Variants in ATP1B3 observed in about 807,000 individuals in gnomAD.
The protein encoded by ATP1B3 is sodium/potassium-transporting ATPase subunit beta-3.
ATP1B3 carries 10 observed loss-of-function variants against 30.2 expected under a neutral mutation model. That is an observed-to-expected ratio of 0.33 (90% CI 0.20 to 0.56). The LOEUF (loss-of-function observed/expected upper bound fraction) is 0.56, where lower values mean the gene tolerates loss of function less well. ATP1B3 is among the 20% of genes least tolerant of loss of function. The probability of loss-of-function intolerance (pLI) is 0.90; values close to 1 mark genes in which losing one functional copy is unlikely to be tolerated. For synonymous variants in ATP1B3, 113 were observed against 117.0 expected, an observed-to-expected ratio of 0.97 and a Z score of 0.22; for missense variants, 238 against 336.7, an observed-to-expected ratio of 0.71 and a Z score of 2.29.
At chr3:141,916,474 T>TA (rs1447639686) in intron 5 of ATP1B3, 1 of 990,410 alleles carries the variant, frequency 1.0e-6, no homozygotes, top group African/African-American at 1.7e-5. Flanking sequence ...TATCCCTACT[T>TA]ACTTTTTTTT....
intron 3 of ATP1B3, among the ~76,000 whole-genome samples, chr3:141,912,569 A>G (rs1451382472): frequency 1.3e-5 from 2 of 152,052 alleles, no homozygotes; most frequent in Non-Finnish European, 2.9e-5. Context: ...CCTGGTTCTT[A>G]CTTTCATTGA....
At chr3:141,887,695 A>G (rs1933862298) in intron 1 of ATP1B3, among the ~76,000 whole-genome samples, 2 of 152,354 alleles carry the variant, frequency 1.3e-5, no homozygotes, top group South Asian at 2.1e-4. Context: ...ATAAACTTGC[A>G]TGTCTACACA....
intron 6 of ATP1B3, among the ~76,000 whole-genome samples, chr3:141,923,466 C>G (rs988794855): frequency 6.6e-6 from 1 of 152,216 alleles, no homozygotes; most frequent in Non-Finnish European, 1.5e-5. Context: ...TCACCAGATG[C>G]AGCTCCTTGA....
chr3:141,891,071 A>G (rs941769220), intron 1 of ATP1B3, among the ~76,000 whole-genome samples: 4 of 152,102 alleles, frequency 2.6e-5, no homozygotes, highest in African/African-American at 9.7e-5. Context: ...TCTTTTCTTA[A>G]TCACTTATCC....
At chr3:141,904,870 C>T (rs964518108) in intron 2 of ATP1B3, among the ~76,000 whole-genome samples, 1 of 151,796 alleles carries the variant, frequency 6.6e-6, no homozygotes, top group Non-Finnish European at 1.5e-5. Context: ...TCACCACGCC[C>T]AGCTAATTTT....
At chr3:141,903,455 T>C (rs78211256) in intron 1 of ATP1B3, among the ~76,000 whole-genome samples, 165 bp from the exon 2 acceptor site, 3,255 of 152,214 alleles carry the variant, frequency 0.021, 114 homozygotes, top group African/African-American at 0.07. Flanking sequence ...ACCCCTTGCT[T>C]GGGCAAATTT....
chr3:141,898,902 A>G (rs1045009723), intron 1 of ATP1B3, among the ~76,000 whole-genome samples: 1 of 152,276 alleles, frequency 6.6e-6, no homozygotes, highest in Non-Finnish European at 1.5e-5. Context: ...TTATTCAGCC[A>G]TAAAAAGGAA....
intron 1 of ATP1B3, among the ~76,000 whole-genome samples, chr3:141,878,041 A>G (rs1274684733): frequency 2.6e-5 from 4 of 152,266 alleles, no homozygotes; most frequent in Admixed American, 2.6e-4. Flanking sequence ...GCAGACTGAA[A>G]TGGACTCCTT....
chr3:141,914,613 C>T (rs1934425303), intron 4 of ATP1B3, among the ~76,000 whole-genome samples: 1 of 152,138 alleles, frequency 6.6e-6, no homozygotes, highest in South Asian at 2.1e-4. Flanking sequence ...TGCAAGGTCT[C>T]CCTTGAAGAG....
At chr3:141,889,750 A>AAT (rs1553743803) in intron 1 of ATP1B3, among the ~76,000 whole-genome samples, 14 of 79,116 alleles carry the variant, frequency 1.8e-4, no homozygotes, top group South Asian at 8.5e-4. Context: ...AAAAAAAAAA[A>AAT]ATATATACAC....
At chr3:141,892,672 A>AAC (rs1933978745) in intron 1 of ATP1B3, among the ~76,000 whole-genome samples, 3 of 143,062 alleles carry the variant, frequency 2.1e-5, no homozygotes, top group Non-Finnish European at 3.2e-5. Context: ...AAAAAAAAAA[A>AAC]AAAACAGTTA....
chr3:141,899,177 A>G (rs1934118232), intron 1 of ATP1B3, among the ~76,000 whole-genome samples: 2 of 152,364 alleles, frequency 1.3e-5, no homozygotes, highest in South Asian at 2.1e-4. Flanking sequence ...TGAATATAAA[A>G]TGTAAACTTC....
chr3:141,912,266 C>CTTATTTATTTAT (rs144027846), intron 3 of ATP1B3, among the ~76,000 whole-genome samples: 1 of 150,372 alleles, frequency 6.7e-6, no homozygotes, highest in African/African-American at 2.5e-5. Context: ...AAATTTGGTT[C>CTTATTTATTTAT]TTATTTATTT....
At chr3:141,881,805 C>T (rs1402958412) in intron 1 of ATP1B3, among the ~76,000 whole-genome samples, 1 of 152,156 alleles carries the variant, frequency 6.6e-6, no homozygotes, top group Non-Finnish European at 1.5e-5. Context: ...CAGGACTTGC[C>T]TTACCCTGTG....
At position 141,920,893 on chromosome 3, in the gene ATP1B3, A is replaced by G. The variant is rs1324809789; in HGVS notation, c.583-1084A>G. ...GCTTGTCTGGTGGGTGGGGCGCATC[A>G]TCACTCTGTCCTTTGTGCTGTCTGG... On this transcript the variant is annotated intron_variant, in intron 5 of 6. Coordinates refer to ENST00000286371, the MANE Select transcript of ATP1B3 (RefSeq NM_001679.4). 2.0e-5 allele frequency among the ~76,000 whole-genome samples: 3 copies of G among 152,128 alleles called. No individual in the cohort carries two copies. In the East Asian group the frequency reaches 5.8e-4, roughly 29 times the overall value.
chr3:141,904,301 GTTTC>G (rs1934222232), intron 2 of ATP1B3, among the ~76,000 whole-genome samples: 1 of 146,818 alleles, frequency 6.8e-6, no homozygotes, highest in South Asian at 2.1e-4. Flanking sequence ...GTTTGTTTCG[GTTTC>G]TTTTTTTTTT....
chr3:141,921,070 T>A lies in ATP1B3; in HGVS notation c.583-907T>A, dbSNP rs915951256. On this transcript the variant is annotated intron_variant, in intron 5 of 6. Coordinates refer to ENST00000286371, the MANE Select transcript of ATP1B3 (RefSeq NM_001679.4). ...TGCTTTCAACCCTGTCTCAAAAAAA[T>A]TTTTTTATATATATATAAAATTCAA... 7.9e-5 allele frequency among the ~76,000 whole-genome samples: 12 copies of A among 151,550 alleles called. No individual in the cohort carries two copies. The East Asian group carries it at 1.3e-3, about 17-fold the overall frequency.
At chr3:141,902,341 GAAAT>G in intron 1 of ATP1B3, 1 of 697,074 alleles carries the variant, frequency 1.4e-6, no homozygotes, top group South Asian at 1.5e-5. Flanking sequence ...TTGCAGTTGA[GAAAT>G]AAAAGTTATC....
At chr3:141,912,398 A>G (rs1261799383) in intron 3 of ATP1B3, among the ~76,000 whole-genome samples, 1 of 152,100 alleles carries the variant, frequency 6.6e-6, no homozygotes, top group Non-Finnish European at 1.5e-5. Flanking sequence ...AGCTGGGATT[A>G]CAGGCACCTG....
Sources: gnomAD v4.1 joint callset for allele counts (sites outside exome capture counted in the v4.1 genomes callset) on GRCh38, gnomAD v4.1.1 for gene constraint, MANE v1.5 for transcripts, NCBI Gene and HGNC (gene_info 2026-07-23, HGNC 2026-07-21) for gene names.